INAVA: variants seen among roughly 807,000 people sequenced by gnomAD.
INAVA encodes the protein innate immunity activator protein.
In INAVA, 32 loss-of-function variants were observed where a neutral mutation model predicts 55.3. That is an observed-to-expected ratio of 0.58 (90% CI 0.44 to 0.78). The LOEUF is 0.78. INAVA is among the 30% of genes least tolerant of loss of function. The pLI is 0.00. For missense variants in INAVA, 756 were observed against 786.4 expected, an observed-to-expected ratio of 0.96 and a Z score of 0.46; for synonymous variants, 294 against 329.4, an observed-to-expected ratio of 0.89 and a Z score of 1.16.
At chr1:200,895,836 G>A (rs1248007595) in intron 1 of INAVA, among the ~76,000 whole-genome samples, 5 of 152,156 alleles carry the variant, frequency 3.3e-5, no homozygotes, top group South Asian at 2.1e-4. Context: ...AGGAAGCCCC[G>A]GGAGGCCTGG....
intron 7 of INAVA, 101 bp downstream of exon 7, chr1:200,909,041 G>A: frequency 7.4e-6 from 10 of 1,356,420 alleles, no homozygotes; most frequent in Non-Finnish European, 7.9e-6. Flanking sequence ...AAGTGGAAAG[G>A]TGGAGGAGAG....
intron 9 of INAVA, 127 bp from the exon 10 acceptor site, chr1:200,913,410 C>CCTG (rs755250242): frequency 3.8e-5 from 26 of 692,312 alleles, no homozygotes; most frequent in Non-Finnish European, 6.4e-5. Flanking sequence ...AGTGCCAGGG[C>CCTG]CTGCTGCTGC....
Position 200,911,691 on chromosome 1 carries a change from C to G in INAVA, c.1198C>G (p.Pro400Ala). 6.2e-7 allele frequency: 1 copy of G among 1,613,784 alleles called. No individual in the cohort carries two copies. Among genetic ancestry groups the G allele is most frequent in the Non-Finnish European group, 8.5e-7 (1 of 1,179,762 alleles). Residue 400 changes from proline (P) to alanine (A), a missense_variant, in exon 9 of 10, where the codon CCT (proline) becomes GCT (alanine). Coordinates refer to ENST00000413687, the MANE Select transcript of INAVA (RefSeq NM_001142569.3). ...CATCTCCTTTCTGCAGCCTCTCTCC[C>G]CTCCCAAGACCCATCGTCACCGCGG... The part of the protein sequence containing the change: ...PDISFLQPLS[P>A]PKTHRHRGAW...
upstream of INAVA, chr1:200,894,708 T>G: frequency 5.1e-6 from 4 of 791,060 alleles, no homozygotes; most frequent in Non-Finnish European, 6.1e-6. Flanking sequence ...ACATGACTCT[T>G]GTTGTTGTCT....
chr1:200,899,210 C>A (rs1487516821), intron 2 of INAVA, among the ~76,000 whole-genome samples: 1 of 152,028 alleles, frequency 6.6e-6, no homozygotes, highest in Non-Finnish European at 1.5e-5. Context: ...CGGCAGAACT[C>A]CCTCCCCTGC....
At chr1:200,908,222 C>T (rs1653572157) in intron 6 of INAVA, 1 of 257,822 alleles carries the variant, frequency 3.9e-6, no homozygotes, top group Non-Finnish European at 7.5e-6. Context: ...AGCAATCTGC[C>T]CACAATCATT....
chr1:200,912,161 C>CG (rs1653780574), intron 9 of INAVA, 24 bp downstream of exon 9: 1 of 1,530,282 alleles, frequency 6.5e-7, no homozygotes, highest in African/African-American at 1.4e-5. Context: ...GGAGGGACCC[C>CG]GGGGCCAGGC....
upstream of INAVA, among the ~76,000 whole-genome samples, chr1:200,893,599 G>A (rs528841073): frequency 5.9e-5 from 9 of 152,300 alleles, no homozygotes; most frequent in East Asian, 7.7e-4. Flanking sequence ...CCAATGGGGC[G>A]GGGGGAGGAA....
In INAVA at chr1:200,911,496, G is replaced by A. The variant is rs745954951; in HGVS notation, c.1003G>A (p.Ala335Thr). 9 of 1,613,562 alleles carry A rather than the reference G, an allele frequency of 5.6e-6. No homozygotes were observed. The highest frequency in any genetic ancestry group is 4.5e-5 in the East Asian group (2 of 44,858). ...RAGPEGRGRSAFPRRRPTHYT... is the reference protein window; with the variant it reads ...RAGPEGRGRSTFPRRRPTHYT... ...GGGTCCTGAGGGCCGAGGTCGCAGCGCCTTTCCCCGCCGCCGCCCCACTCA... is the reference window on the plus strand; with the variant it reads ...GGGTCCTGAGGGCCGAGGTCGCAGCACCTTTCCCCGCCGCCGCCCCACTCA... Residue 335 changes from alanine (A) to threonine (T), a missense_variant, in exon 9 of 10, where the codon GCC becomes ACC. Coordinates refer to ENST00000413687, the MANE Select transcript of INAVA (RefSeq NM_001142569.3).
At position 200,913,757 on chromosome 1, in the gene INAVA, T is replaced by C; in HGVS notation, c.*128T>C. 1.5e-6 allele frequency: 1 copy of C among 682,572 alleles called. No homozygotes were observed. The highest frequency in any genetic ancestry group is 1.9e-5 in the South Asian group (1 of 51,792). 42.3% of individuals were successfully genotyped at this position (682,572 alleles called of 1,614,324 possible). ...GATGACCTGGAGCTGAGACCTTTTATTATTTTTTTTTTACACGACTTTTTT... is the reference window on the plus strand; with the variant it reads ...GATGACCTGGAGCTGAGACCTTTTACTATTTTTTTTTTACACGACTTTTTT... On this transcript the variant is annotated 3_prime_UTR_variant, in exon 10 of 10. Coordinates refer to ENST00000413687, the MANE Select transcript of INAVA (RefSeq NM_001142569.3).
intron 2 of INAVA, 94 bp from the exon 3 acceptor site, chr1:200,899,379 G>A: frequency 2.7e-6 from 4 of 1,504,686 alleles, no homozygotes; most frequent in Non-Finnish European, 3.6e-6. Context: ...GTGTGCATGT[G>A]TGTGCATGTG....
At chr1:200,898,492 AGTCCCTG>A (rs748309686) in intron 2 of INAVA, 37 bp downstream of exon 2, 7 of 1,607,766 alleles carry the variant, frequency 4.4e-6, no homozygotes, top group Non-Finnish European at 4.2e-6. Flanking sequence ...CCTAGTCCCT[AGTCCCTG>A]GTCCCTGGTC....
At chr1:200,908,065 G>T (rs1653567373) in intron 6 of INAVA, 178 bp downstream of exon 6, 1 of 515,180 alleles carries the variant, frequency 1.9e-6, no homozygotes, top group Non-Finnish European at 3.6e-6. Context: ...CTCAGTTGAA[G>T]ATGGGGAATG....
chr1:200,901,198 T>C, intron 5 of INAVA, 39 bp downstream of exon 5: 1 of 1,447,928 alleles, frequency 6.9e-7, no homozygotes, highest in Non-Finnish European at 9.1e-7. Context: ...GCTCCTTAAA[T>C]GAGCTTTTGA....
chr1:200,907,641 A>C (rs1479607468), intron 5 of INAVA, among the ~76,000 whole-genome samples, 193 bp from the exon 6 acceptor site: 1 of 151,134 alleles, frequency 6.6e-6, no homozygotes, highest in Non-Finnish European at 1.5e-5. Flanking sequence ...CCTGGGCCAC[A>C]GGGTAAGACC....
At chr1:200,909,987 A>G (rs778201351) in intron 8 of INAVA, among the ~76,000 whole-genome samples, 1 of 152,328 alleles carries the variant, frequency 6.6e-6, no homozygotes. Context: ...ACTCATACCC[A>G]GATGAAGCTT....
chr1:200,899,575 G>A lies in INAVA; in HGVS notation c.158G>A (p.Arg53Lys), dbSNP rs1653140894. The A allele has an allele frequency of 6.2e-7, 1 of 1,612,970 alleles. No individual in the cohort carries two copies. The highest frequency in any genetic ancestry group is 8.5e-7 in the Non-Finnish European group (1 of 1,179,810). Residue 53 changes from arginine (R) to lysine (K), a missense_variant, in exon 3 of 10, where the codon AGG (arginine) becomes AAG (lysine). Coordinates refer to ENST00000413687, the MANE Select transcript of INAVA (RefSeq NM_001142569.3). ...CTGGAGGCCTGCCTGGAGGAGCTGA[G>A]GAGACTCTGCCTTCGGGAAGCGGTG... ...ARLEACLEEL[R>K]RLCLREAELT...
rs1487399969 is a variant in INAVA, at chr1:200,909,218, T to C, written c.786-6T>C. Reference sequence around the variant, plus strand: ...TGCCACTGACCTGTCTCTAATCCTTTTGCAGCAGCCCAGCCACCACACCAC... The same window carrying C: ...TGCCACTGACCTGTCTCTAATCCTTCTGCAGCAGCCCAGCCACCACACCAC... On this transcript the variant is annotated splice_polypyrimidine_tract_variant and splice_region_variant and intron_variant, in intron 7 of 9. Coordinates refer to ENST00000413687, the MANE Select transcript of INAVA (RefSeq NM_001142569.3). 3 of 1,496,912 alleles carry C rather than the reference T, an allele frequency of 2.0e-6. No individual in the cohort carries two copies. The highest frequency in any genetic ancestry group is 1.4e-5 in the South Asian group (1 of 72,588). 92.7% of individuals were successfully genotyped at this position (1,496,912 alleles called of 1,614,324 possible).
intron 8 of INAVA, among the ~76,000 whole-genome samples, chr1:200,909,617 CT>C (rs1653634010): frequency 6.6e-6 from 1 of 152,214 alleles, no homozygotes; most frequent in African/African-American, 2.4e-5. Context: ...TCCAAAGACT[CT>C]AGTTTTGTCT....
Sources: gnomAD v4.1 joint callset for allele counts (sites outside exome capture counted in the v4.1 genomes callset) on GRCh38, gnomAD v4.1.1 for gene constraint, MANE v1.5 for transcripts, NCBI Gene and HGNC (gene_info 2026-07-23, HGNC 2026-07-21) for gene names.